The following VWA3B variants were observed in gnomAD, a reference collection of about 807,000 sequenced individuals.
VWA3B encodes the protein von Willebrand factor A domain containing 3B, also known as von Willebrand factor A domain-containing protein 3B.
Under a neutral mutation model 158.3 loss-of-function variants are expected in VWA3B, and 138 were observed. The ratio of observed to expected loss-of-function variants is 0.87; its 90% CI spans 0.76 to 1.00. The LOEUF is 1.00. VWA3B is among the 50% of genes least tolerant of loss of function. The pLI, the probability that VWA3B is intolerant of heterozygous loss-of-function variation, is 0.00. For synonymous variants in VWA3B, 596 were observed against 587.3 expected, an observed-to-expected ratio of 1.01 and a Z score of -0.21; for missense variants, 1,555 against 1,565.1, an observed-to-expected ratio of 0.99 and a Z score of 0.11.
At chr2:98,271,300 G>A (rs184171546) in intron 22 of VWA3B, among the ~76,000 whole-genome samples, 320 of 152,210 alleles carry the variant, frequency 2.1e-3, no homozygotes, top group African/African-American at 7.3e-3. Context: ...TTGTTATAAA[G>A]AGAAATGAAC....
chr2:98,102,564 G>A (rs1026572255), intron 2 of VWA3B, among the ~76,000 whole-genome samples: 6 of 152,152 alleles, frequency 3.9e-5, no homozygotes, highest in East Asian at 3.8e-4. Context: ...CAGATGGGGC[G>A]GCCGGCCCTT....
chr2:98,250,205 A>G (rs781115749), intron 19 of VWA3B, 113 bp from the exon 20 acceptor site: 7 of 710,346 alleles, frequency 9.9e-6, no homozygotes, highest in Non-Finnish European at 1.6e-5. Context: ...CATTTATTGT[A>G]TATTGACTTT....
At chr2:98,214,278 G>T (rs76362499) in intron 13 of VWA3B, among the ~76,000 whole-genome samples, 16 of 151,728 alleles carry the variant, frequency 1.1e-4, no homozygotes, top group African/African-American at 3.6e-4. Flanking sequence ...AATTTTGTGG[G>T]TTTTTTTCCC....
At chr2:98,159,720 G>A (rs1403518074) in intron 7 of VWA3B, among the ~76,000 whole-genome samples, 1 of 151,792 alleles carries the variant, frequency 6.6e-6, no homozygotes, top group African/African-American at 2.4e-5. Context: ...TGACAGTCAA[G>A]ATACATACAG....
intron 22 of VWA3B, among the ~76,000 whole-genome samples, chr2:98,279,242 T>C (rs919726906): frequency 2.0e-5 from 3 of 152,172 alleles, no homozygotes; most frequent in African/African-American, 7.2e-5. Context: ...TTCTAAGAAG[T>C]CTTCTGTCTC....
rs767147649 is a variant in VWA3B at position 98,128,424 on chromosome 2, G to T, written c.872+16G>T. ...CCCACAGCAGGTAGGCAGAAAATGTGCTCTTGAGTGACAGCAAGCGGGTTG... is the reference window on the plus strand; with the variant it reads ...CCCACAGCAGGTAGGCAGAAAATGTTCTCTTGAGTGACAGCAAGCGGGTTG... On this transcript the variant is annotated intron_variant, in intron 6 of 27. Coordinates refer to ENST00000477737, the MANE Select transcript of VWA3B (RefSeq NM_144992.5). 1 of 1,608,016 alleles carries T rather than the reference G, an allele frequency of 6.2e-7. No individual in the cohort carries two copies. Among genetic ancestry groups the T allele is most frequent in the Non-Finnish European group, 8.5e-7 (1 of 1,175,840 alleles).
intron 6 of VWA3B, 120 bp downstream of exon 6, chr2:98,128,528 A>G (rs1195688202): frequency 1.0e-6 from 1 of 995,652 alleles, no homozygotes; most frequent in Non-Finnish European, 1.5e-6. Context: ...TCCTCTTTCC[A>G]GTATATTATT....
intron 7 of VWA3B, among the ~76,000 whole-genome samples, chr2:98,153,347 C>G (rs1194429328): frequency 6.6e-6 from 1 of 152,190 alleles, no homozygotes; most frequent in East Asian, 1.9e-4. Flanking sequence ...AGCTACTATA[C>G]TCTACCAGTA....
At chr2:98,242,184 G>A (rs1292105583) in intron 19 of VWA3B, 6 of 455,230 alleles carry the variant, frequency 1.3e-5, no homozygotes, top group Admixed American at 1.2e-4. Context: ...TTTGTCCCCA[G>A]CTCTTTGTTT....
intron 22 of VWA3B, among the ~76,000 whole-genome samples, chr2:98,289,292 C>G (rs973324839): frequency 5.9e-5 from 9 of 152,142 alleles, no homozygotes; most frequent in African/African-American, 2.2e-4. Context: ...TTCCTGCTGT[C>G]TGTGACTTGT....
rs746793714 is a variant in VWA3B at position 98,311,872 on chromosome 2, C to G, written c.3575C>G (p.Ala1192Gly). 1 of 1,612,240 alleles carries G rather than the reference C, an allele frequency of 6.2e-7. No homozygotes were observed. Among genetic ancestry groups the G allele is most frequent in the Non-Finnish European group, 8.5e-7 (1 of 1,179,262 alleles). Residue 1192 changes from alanine to glycine, a missense_variant, in exon 27 of 28, where the codon GCG becomes GGG. Coordinates refer to ENST00000477737, the MANE Select transcript of VWA3B (RefSeq NM_144992.5). ...SAFLFWPLKE[A>G]DTQDSREPRR... ...TTCCTCTTCTGGCCACTGAAAGAAG[C>G]GGACACGCAGGATTCCAGAGAGCCA...
Position 98,230,050 on chromosome 2 carries a change from G to A in VWA3B, c.2151G>A (p.Lys717=). The A allele has an allele frequency of 2.6e-6, 4 of 1,561,212 alleles. No homozygotes were observed. Among genetic ancestry groups the A allele is most frequent in the East Asian group, 2.3e-5 (1 of 43,810 alleles). ...CGACTTTTTATCTAAATCAAAACAG[G>A]CATCAAAAGGAAATCTGTTCTATGA... is the stretch of plus-strand genomic sequence containing the variant. ...WYNAEKDGDS[K]HQKEICSMIS... is the part of the protein sequence containing the mutation. Residue 717 remains lysine (K), a splice_region_variant and synonymous_variant, in exon 16 of 28, where the codon AAG becomes AAA. Coordinates refer to ENST00000477737, the MANE Select transcript of VWA3B (RefSeq NM_144992.5).
chr2:98,156,360 G>A (rs1238835137), intron 7 of VWA3B, among the ~76,000 whole-genome samples: 2 of 152,212 alleles, frequency 1.3e-5, no homozygotes, highest in Admixed American at 6.5e-5. Context: ...GCTCATTCCT[G>A]AATGATCTGG....
chr2:98,198,800 CT>C (rs1682277015), intron 12 of VWA3B, among the ~76,000 whole-genome samples: 1 of 152,120 alleles, frequency 6.6e-6, no homozygotes, highest in South Asian at 2.1e-4. Flanking sequence ...GCTTCTTTCA[CT>C]TACCAAAATA....
At chr2:98,238,112 T>C (rs975333919) in intron 19 of VWA3B, among the ~76,000 whole-genome samples, 3 of 152,208 alleles carry the variant, frequency 2.0e-5, no homozygotes, top group African/African-American at 7.2e-5. Flanking sequence ...GAGAAGCAGA[T>C]GAATTGGTGA....
intron 12 of VWA3B, chr2:98,207,021 C>T (rs981113226): frequency 1.2e-5 from 6 of 494,118 alleles, no homozygotes; most frequent in African/African-American, 2.0e-5. Context: ...TGGCTGAATA[C>T]TTCAGAGACC....
chr2:98,137,088 G>A (rs1426972619), intron 7 of VWA3B, among the ~76,000 whole-genome samples: 1 of 152,072 alleles, frequency 6.6e-6, no homozygotes, highest in South Asian at 2.1e-4. Context: ...TTTGTCTGTT[G>A]GGAACAATGT....
At chr2:98,127,067 A>C (rs1025445305) in intron 5 of VWA3B, among the ~76,000 whole-genome samples, 1 of 151,378 alleles carries the variant, frequency 6.6e-6, no homozygotes, top group African/African-American at 2.4e-5. Flanking sequence ...ATTTGGGATT[A>C]GAGCAAGGAG....
At chr2:98,266,035 G>A (rs1443766127) in intron 21 of VWA3B, among the ~76,000 whole-genome samples, 2 of 148,014 alleles carry the variant, frequency 1.4e-5, no homozygotes, top group Non-Finnish European at 3.0e-5. Context: ...CTGTGCAGAA[G>A]CTCTTTAGTT....
Sources: gnomAD v4.1 joint callset for allele counts (sites outside exome capture counted in the v4.1 genomes callset) on GRCh38, gnomAD v4.1.1 for gene constraint, MANE v1.5 for transcripts, NCBI Gene and HGNC (gene_info 2026-07-23, HGNC 2026-07-21) for gene names.